The following NUDT16L1 variants were observed in gnomAD, a reference collection of about 807,000 sequenced individuals.
NUDT16L1 encodes the protein tudor-interacting repair regulator protein.
Under a neutral mutation model 17.3 loss-of-function variants are expected in NUDT16L1, and 19 were observed. That is an observed-to-expected ratio of 1.10 (90% CI 0.77 to 1.61). The LOEUF is 1.61. Among genes scored for constraint, NUDT16L1 ranks in the 40% most tolerant of loss-of-function variants. NUDT16L1 has a pLI of 0.00. For synonymous variants in NUDT16L1, 255 were observed against 138.6 expected (o/e 1.84, Z -5.90); for missense variants, 341 against 292.0 (o/e 1.17, Z -1.22).
chr16:4,695,749 G>A (rs976988200), exon 3 of NUDT16L1: 4 of 398,132 alleles, frequency 1.0e-5, no homozygotes, highest in Admixed American at 4.4e-5. Context: ...TTCACCCCAC[G>A]TGGCTTGGTT....
exon 3 of NUDT16L1, chr16:4,695,447 G>A: frequency 3.4e-6 from 2 of 591,242 alleles, no homozygotes; most frequent in Non-Finnish European, 3.0e-6. Flanking sequence ...TCTGGGCTCA[G>A]ACCCTCCTCT....
At chr16:4,694,320 C>A (rs748718703) in intron 2 of NUDT16L1, 82 bp downstream of exon 2, 5 of 1,490,056 alleles carry the variant, frequency 3.4e-6, no homozygotes, top group African/African-American at 1.4e-5. Context: ...TAACACGTCT[C>A]CTGAGGGTCC....
chr16:4,694,118 C>T lies in NUDT16L1; in HGVS notation c.294C>T (p.Ser98=), dbSNP rs1184393578. The stretch of plus-strand genomic sequence containing the variant: ...GCCTCACCGAGGCCGACTACCTGAG[C>T]TCGCACCTGACCGAGGGCCCACACC... The change falls in exon 2 of 3, where the codon AGC becomes AGT. Residue 98 remains serine, a synonymous_variant. Coordinates refer to ENST00000304301, the Ensembl canonical transcript of NUDT16L1. 10 of 1,590,428 alleles carry T rather than the reference C, an allele frequency of 6.3e-6. No homozygotes were observed. In the African/African-American group the frequency reaches 6.8e-5, roughly 11 times the overall value.
At chr16:4,695,422 G>A (rs2079521387) in exon 3 of NUDT16L1, 3 of 594,818 alleles carry the variant, frequency 5.0e-6, no homozygotes, top group East Asian at 2.8e-5. Flanking sequence ...CCAGCCTCAG[G>A]ATGCTCTTGT....
At chr16:4,694,421 G>A in intron 2 of NUDT16L1, 183 bp downstream of exon 2, 1 of 1,449,902 alleles carries the variant, frequency 6.9e-7, no homozygotes. Context: ...AGGGGCGGGG[G>A]TGGGGGCCGG....
upstream of NUDT16L1, chr16:4,693,637 G>T (rs1011907664): frequency 1.5e-6 from 2 of 1,304,002 alleles, no homozygotes; most frequent in Non-Finnish European, 2.0e-6. Context: ...GGACCCGGGG[G>T]CGCGGCCGCC....
chr16:4,693,565 G>A (rs1321720382), upstream of NUDT16L1: 3 of 760,640 alleles, frequency 3.9e-6, no homozygotes, highest in Non-Finnish European at 5.4e-6. Flanking sequence ...ACCTCTCGAC[G>A]ACGCACCGCG....
intron 1 of NUDT16L1, 27 bp downstream of exon 1, chr16:4,693,906 G>A: frequency 4.0e-6 from 6 of 1,483,632 alleles, no homozygotes; most frequent in Non-Finnish European, 5.3e-6. Context: ...GCGCGGGCGA[G>A]GGTGCCGGCG....
At chr16:4,695,319 C>T (rs1431064492) in exon 3 of NUDT16L1, 1 of 858,362 alleles carries the variant, frequency 1.2e-6, no homozygotes, top group Non-Finnish European at 1.8e-6. Context: ...CTCCACTGTC[C>T]CAAGCAGTCA....
At chr16:4,695,575 G>C (rs1367393767) in exon 3 of NUDT16L1, 3 of 450,724 alleles carry the variant, frequency 6.7e-6, no homozygotes, top group African/African-American at 2.0e-5. Flanking sequence ...GCCTTGTCTC[G>C]GTCAGCTCAT....
upstream of NUDT16L1, chr16:4,693,662 G>C (rs1016022092): frequency 1.6e-5 from 22 of 1,351,734 alleles, no homozygotes; most frequent in Non-Finnish European, 2.0e-5. Flanking sequence ...GATTGGCGAG[G>C]CACGGCGGGG....
At chr16:4,695,280 C>A in exon 3 of NUDT16L1, 1 of 1,229,242 alleles carries the variant, frequency 8.1e-7, no homozygotes. Flanking sequence ...CTTCTGACTG[C>A]CTAGGGCGAG....
exon 1 of NUDT16L1, chr16:4,693,784 C>G: frequency 1.9e-6 from 3 of 1,570,038 alleles, no homozygotes; most frequent in Non-Finnish European, 2.6e-6. Context: ...GGCGATGCGC[C>G]TAGGGCCGGG....
chr16:4,694,403 G>A (rs576373674), intron 2 of NUDT16L1, 165 bp downstream of exon 2: 4 of 1,484,794 alleles, frequency 2.7e-6, no homozygotes, highest in East Asian at 2.5e-5. Context: ...CTGGGAGGCC[G>A]GGAAAGGAGG....
chr16:4,695,153 G>A, exon 3 of NUDT16L1: 2 of 1,613,144 alleles, frequency 1.2e-6, no homozygotes, highest in Non-Finnish European at 1.7e-6. Context: ...GAAGGCCCTG[G>A]AGAAGTTGCT....
chr16:4,694,951 T>A lies in NUDT16L1; in HGVS notation c.415-7T>A, dbSNP rs1284810981. ...CTGGCCCCAACCCCTACCTCCTGTC[T>A]GCGCAGGTGCTGGGCCTCGTGCGGG... On this transcript the variant is annotated splice_polypyrimidine_tract_variant and splice_region_variant and intron_variant, in intron 2 of 2. Transcript: ENST00000304301. The A allele has an allele frequency of 6.2e-7, 1 of 1,604,032 alleles. No homozygotes were observed. The highest frequency in any genetic ancestry group is 1.3e-5 in the African/African-American group (1 of 74,912).
At position 4,694,685 on chromosome 16, in the gene NUDT16L1, G is replaced by A. The variant is rs1018881153; in HGVS notation, c.415-273G>A. The A allele has an allele frequency of 5.9e-4, 845 of 1,422,910 alleles. 1 individual carries two copies. Among genetic ancestry groups the A allele is most frequent in the Non-Finnish European group, 6.7e-4 (728 of 1,092,266 alleles). The allele number at this position is 1,422,910 out of a possible 1,614,324, so 88.1% of individuals were successfully genotyped here. On this transcript the variant is annotated intron_variant, in intron 2 of 2. Coordinates refer to ENST00000304301, the Ensembl canonical transcript of NUDT16L1. ...GGTGTTCAGGCTTCGTTGGGTGGAC[G>A]GGGGGAGCATGGGGTGCGGACCCCG...
chr16:4,695,506 C>G (rs2079522906), exon 3 of NUDT16L1: 1 of 549,522 alleles, frequency 1.8e-6, no homozygotes, highest in Non-Finnish European at 3.2e-6. Flanking sequence ...CTGATTGTCC[C>G]ACAGGGGTGG....
At chr16:4,694,734 G>A (rs960741534) in intron 2 of NUDT16L1, 9 of 1,424,610 alleles carry the variant, frequency 6.3e-6, no homozygotes, top group African/African-American at 1.5e-5. Context: ...TGGGTACGAG[G>A]GGGGGGAGTG....
Sources: gnomAD v4.1 joint callset for allele counts on GRCh38, gnomAD v4.1.1 for gene constraint, MANE v1.5 for transcripts, NCBI Gene and HGNC (gene_info 2026-07-23, HGNC 2026-07-21) for gene names.